The following ADAMTS12 variants were observed in gnomAD, a reference collection of about 807,000 sequenced individuals.
ADAMTS12 encodes A disintegrin and metalloproteinase with thrombospondin motifs 12.
In ADAMTS12, 118 loss-of-function variants were observed where a neutral mutation model predicts 167.8. The ratio of observed to expected loss-of-function variants is 0.70; its 90% CI spans 0.61 to 0.82. The LOEUF is 0.82. Among genes scored for constraint, ADAMTS12 ranks in the 40% least tolerant of loss-of-function variants. ADAMTS12 has a pLI of 0.00. For synonymous variants in ADAMTS12, 704 were observed against 716.9 expected (o/e 0.98, Z 0.29); for missense variants, 1,916 against 1,998.8 (o/e 0.96, Z 0.79).
chr5:33,552,709 A>G (rs1390799491), intron 20 of ADAMTS12, among the ~76,000 whole-genome samples: 1 of 152,188 alleles, frequency 6.6e-6, no homozygotes, highest in Non-Finnish European at 1.5e-5. Flanking sequence ...TGGGTTCTCT[A>G]TTCTGATCTG....
chr5:33,717,885 T>C (rs986639097), intron 3 of ADAMTS12, among the ~76,000 whole-genome samples: 3 of 152,184 alleles, frequency 2.0e-5, no homozygotes, highest in Non-Finnish European at 4.4e-5. Context: ...GAAAATGACA[T>C]TGGAAGTGAA....
intron 18 of ADAMTS12, among the ~76,000 whole-genome samples, chr5:33,588,175 A>AT (rs1476213109): frequency 6.6e-6 from 1 of 152,056 alleles, no homozygotes; most frequent in African/African-American, 2.4e-5. Flanking sequence ...ATTTGAGGGG[A>AT]TTTTTCTCAG....
intron 2 of ADAMTS12, among the ~76,000 whole-genome samples, chr5:33,850,421 C>T (rs1181900044): frequency 6.6e-6 from 1 of 152,192 alleles, no homozygotes; most frequent in Non-Finnish European, 1.5e-5. Flanking sequence ...CACACCCATC[C>T]TCCCAACCAA....
At chr5:33,845,065 C>G (rs562334718) in intron 2 of ADAMTS12, among the ~76,000 whole-genome samples, 2 of 152,178 alleles carry the variant, frequency 1.3e-5, no homozygotes, top group South Asian at 4.2e-4. Flanking sequence ...AGTGTAAACC[C>G]ATAATTTTCC....
At chr5:33,751,260 G>C (rs1744964471) in intron 3 of ADAMTS12, 144 bp downstream of exon 3, 1 of 1,018,728 alleles carries the variant, frequency 9.8e-7, no homozygotes, top group Non-Finnish European at 1.4e-6. Flanking sequence ...GAATACAGAA[G>C]AGATTTGAAT....
chr5:33,779,542 G>A (rs1292980460), intron 2 of ADAMTS12, among the ~76,000 whole-genome samples: 7 of 152,076 alleles, frequency 4.6e-5, no homozygotes, highest in African/African-American at 9.7e-5. Flanking sequence ...AGCATTATTC[G>A]CAATAGCCAT....
chr5:33,881,075 T>C (rs1223050296), intron 2 of ADAMTS12, 44 bp downstream of exon 2: 1 of 1,591,368 alleles, frequency 6.3e-7, no homozygotes, highest in South Asian at 1.1e-5. Flanking sequence ...GCTGAGACTC[T>C]AGGGGCCAGG....
chr5:33,751,852 C>T (rs535331920), intron 2 of ADAMTS12, among the ~76,000 whole-genome samples: 1 of 152,328 alleles, frequency 6.6e-6, no homozygotes, highest in Admixed American at 6.5e-5. Flanking sequence ...TCCTCTAAAA[C>T]CCATTGCTGG....
chr5:33,755,006 TA>T (rs1284060823), intron 2 of ADAMTS12, among the ~76,000 whole-genome samples: 1 of 152,184 alleles, frequency 6.6e-6, no homozygotes, highest in African/African-American at 2.4e-5. Flanking sequence ...ATAAATGTTT[TA>T]TAAAAAGAAC....
At chr5:33,852,775 T>C (rs545079813) in intron 2 of ADAMTS12, among the ~76,000 whole-genome samples, 2 of 152,228 alleles carry the variant, frequency 1.3e-5, no homozygotes, top group African/African-American at 4.8e-5. Flanking sequence ...GCTAAGAAGG[T>C]CATTTGTATG....
At chr5:33,695,780 G>A (rs1188146137) in intron 3 of ADAMTS12, among the ~76,000 whole-genome samples, 2 of 152,152 alleles carry the variant, frequency 1.3e-5, no homozygotes, top group Non-Finnish European at 2.9e-5. Flanking sequence ...GAGAGGGATG[G>A]ATGGTGATGA....
At position 33,849,541 on chromosome 5, in the gene ADAMTS12, TAC is replaced by T. The variant is rs1295209401; in HGVS notation, c.489+31576_489+31577del. Among the ~76,000 whole-genome samples, 755 of 121,584 alleles carry T rather than the reference TAC, an allele frequency of 6.2e-3. 14 individuals carry two copies. Among genetic ancestry groups the T allele is most frequent in the Admixed American group, 8.7e-3 (101 of 11,598 alleles). 79.8% of individuals were successfully genotyped at this position (121,584 alleles called of 152,430 possible). ...TATATATGTATTGCATAGCAATATA[TAC>T]ATATATGTACTGCATAGCAATACAC... On this transcript the variant is annotated intron_variant, in intron 2 of 23. Transcript: ENST00000504830.
At chr5:33,890,029 T>C (rs144788920) in intron 1 of ADAMTS12, among the ~76,000 whole-genome samples, 2 of 152,178 alleles carry the variant, frequency 1.3e-5, no homozygotes, top group East Asian at 3.9e-4. Flanking sequence ...ACTTTATAGG[T>C]TTTTTGAACA....
intron 19 of ADAMTS12, among the ~76,000 whole-genome samples, chr5:33,569,775 G>T (rs1451642511): frequency 1.3e-5 from 2 of 152,206 alleles, no homozygotes; most frequent in Non-Finnish European, 2.9e-5. Flanking sequence ...AGAGAAGAAG[G>T]CTTCAGACGA....
At chr5:33,529,247 C>T (rs977592720) in intron 23 of ADAMTS12, among the ~76,000 whole-genome samples, 4 of 152,136 alleles carry the variant, frequency 2.6e-5, no homozygotes, top group Non-Finnish European at 5.9e-5. Context: ...GAAAGTGTGT[C>T]CTTTAATTTT....
chr5:33,590,603 C>T (rs2112015862), intron 17 of ADAMTS12, among the ~76,000 whole-genome samples: 1 of 152,304 alleles, frequency 6.6e-6, no homozygotes, highest in Admixed American at 6.5e-5. Context: ...CTTGGCCATC[C>T]AATCTCCAGA....
intron 11 of ADAMTS12, among the ~76,000 whole-genome samples, chr5:33,639,709 C>T (rs920264007): frequency 2.0e-5 from 3 of 152,200 alleles, no homozygotes; most frequent in Non-Finnish European, 4.4e-5. Context: ...ACTGCCTGAC[C>T]ACAAAATCCT....
chr5:33,606,345 T>C lies in ADAMTS12; in HGVS notation c.2527+7893A>G, dbSNP rs552981384. Among the ~76,000 whole-genome samples the C allele has an allele frequency of 2.0e-5, 3 of 152,352 alleles. No individual in the cohort carries two copies. The South Asian group carries it at 6.2e-4, about 32-fold the overall frequency. On this transcript the variant is annotated intron_variant, in intron 16 of 23. Transcript: ENST00000504830. Reference sequence around the variant, plus strand: ...AGCCATGGGACCAGGGAAGATTTTATACAATTGCAGGAGACACTTACTTGA... The same window carrying C: ...AGCCATGGGACCAGGGAAGATTTTACACAATTGCAGGAGACACTTACTTGA...
chr5:33,639,567 A>C (rs1262558354), intron 11 of ADAMTS12, among the ~76,000 whole-genome samples: 1 of 152,216 alleles, frequency 6.6e-6, no homozygotes, highest in Non-Finnish European at 1.5e-5. Context: ...CGAGCAGTCC[A>C]GATGAAATCG....
Sources: allele counts gnomAD v4.1 joint callset (sites outside exome capture counted in the v4.1 genomes callset), GRCh38; gene constraint gnomAD v4.1.1; transcripts MANE v1.5; gene names NCBI Gene and HGNC (gene_info 2026-07-23, HGNC 2026-07-21).